POFUT3: variants seen among roughly 807,000 people sequenced by gnomAD.
POFUT3 encodes the protein protein O-fucosyltransferase 3.
the POFUT3 span, among the ~76,000 whole-genome samples, chr8:33,317,266 A>G: frequency 6.6e-6 from 1 of 152,176 alleles, no homozygotes; most frequent in Non-Finnish European, 1.5e-5. Flanking sequence ...CCAAAGAGAA[A>G]ATACTGTCCA....
At chr8:33,455,042 G>T in the POFUT3 span, among the ~76,000 whole-genome samples, 1 of 152,098 alleles carries the variant, frequency 6.6e-6, no homozygotes, top group South Asian at 2.1e-4. Context: ...GGGAAAATGA[G>T]TTATAAATTA....
the POFUT3 span, among the ~76,000 whole-genome samples, chr8:33,456,048 C>T: frequency 4.6e-5 from 7 of 152,202 alleles, no homozygotes; most frequent in Admixed American, 2.0e-4. Context: ...CTAAAGTCTG[C>T]CTGTTGCCAA....
chr8:33,353,217 G>T, the POFUT3 span, among the ~76,000 whole-genome samples: 1 of 152,130 alleles, frequency 6.6e-6, no homozygotes, highest in African/African-American at 2.4e-5. Context: ...TTGCTTGCAG[G>T]GGTGTTAGAC....
the POFUT3 span, among the ~76,000 whole-genome samples, chr8:33,336,393 T>A: frequency 6.6e-6 from 1 of 152,324 alleles, no homozygotes; most frequent in East Asian, 1.9e-4. Flanking sequence ...CACTGGGAAG[T>A]GGTGAATTTT....
chr8:33,460,248 A>T, the POFUT3 span, among the ~76,000 whole-genome samples: 1 of 151,172 alleles, frequency 6.6e-6, no homozygotes, highest in Non-Finnish European at 1.5e-5. Flanking sequence ...CAGCTACTGG[A>T]GATGCTGAGG....
chr8:33,313,346 G>T, the POFUT3 span, among the ~76,000 whole-genome samples: 1 of 152,080 alleles, frequency 6.6e-6, no homozygotes, highest in East Asian at 1.9e-4. Context: ...GATTTTCTAG[G>T]ATGTGTCATT....
the POFUT3 span, among the ~76,000 whole-genome samples, chr8:33,320,988 C>T: frequency 3.3e-5 from 5 of 152,062 alleles, no homozygotes; most frequent in African/African-American, 4.8e-5. Flanking sequence ...CATTTTTAGA[C>T]GCTAGCTACC....
the POFUT3 span, among the ~76,000 whole-genome samples, chr8:33,376,831 A>G: frequency 1.3e-5 from 2 of 152,160 alleles, no homozygotes; most frequent in East Asian, 3.9e-4. Context: ...ACGTAAGGAG[A>G]TGCAAAACAA....
At chr8:33,447,216 G>A in the POFUT3 span, among the ~76,000 whole-genome samples, 12 of 152,274 alleles carry the variant, frequency 7.9e-5, no homozygotes, top group African/African-American at 2.6e-4. Context: ...TTGGGAGGCC[G>A]AGGTGGGAGG....
chr8:33,401,631 C>A, the POFUT3 span, among the ~76,000 whole-genome samples: 5 of 152,088 alleles, frequency 3.3e-5, no homozygotes, highest in Non-Finnish European at 7.3e-5. Flanking sequence ...TATAAAGCTA[C>A]CCTATTTTCA....
At chr8:33,360,019 C>A in the POFUT3 span, among the ~76,000 whole-genome samples, 1 of 148,138 alleles carries the variant, frequency 6.8e-6, no homozygotes, top group East Asian at 2.1e-4. Context: ...AAAAACCAAA[C>A]CAAACAAACA....
the POFUT3 span, among the ~76,000 whole-genome samples, chr8:33,428,989 CA>C: frequency 3.0e-4 from 45 of 152,326 alleles, no homozygotes; most frequent in African/African-American, 1.1e-3. Flanking sequence ...TAACTTTGTA[CA>C]GCAGCTCACC....
the POFUT3 span, among the ~76,000 whole-genome samples, chr8:33,320,209 G>A: frequency 3.3e-5 from 5 of 151,860 alleles, no homozygotes; most frequent in African/African-American, 1.2e-4. Flanking sequence ...TATGGAAGGG[G>A]GGCATCTGAT....
chr8:33,393,050 G>A, the POFUT3 span, among the ~76,000 whole-genome samples: 1 of 152,098 alleles, frequency 6.6e-6, no homozygotes, highest in Non-Finnish European at 1.5e-5. Context: ...GGATATCATG[G>A]CCTAGAACAT....
At chr8:33,318,683 AT>A in the POFUT3 span, among the ~76,000 whole-genome samples, 2 of 76,218 alleles carry the variant, frequency 2.6e-5, no homozygotes, top group African/African-American at 1.1e-4. Flanking sequence ...TATTGTATAT[AT>A]ATTTTATATA....
the POFUT3 span, among the ~76,000 whole-genome samples, chr8:33,347,269 G>C: frequency 6.6e-6 from 1 of 152,268 alleles, no homozygotes; most frequent in Admixed American, 6.5e-5. Context: ...CTGTTTGGTT[G>C]TATTTTCTCT....
the POFUT3 span, among the ~76,000 whole-genome samples, chr8:33,466,878 G>T: frequency 6.6e-6 from 1 of 152,184 alleles, no homozygotes. Context: ...GCCAAGGCGG[G>T]TGGATCACCT....
At chr8:33,360,015 C>A in the POFUT3 span, among the ~76,000 whole-genome samples, 1 of 147,390 alleles carries the variant, frequency 6.8e-6, no homozygotes, top group African/African-American at 2.5e-5. Context: ...CAAAAAAAAC[C>A]AAACCAAACA....
the POFUT3 span, among the ~76,000 whole-genome samples, chr8:33,361,822 G>A: frequency 0.012 from 1,778 of 151,762 alleles, 18 homozygotes; most frequent in African/African-American, 0.024. Context: ...ATTTTTTTCC[G>A]TGTTTCCCAA....
Sources: allele counts gnomAD v4.1 joint callset (sites outside exome capture counted in the v4.1 genomes callset), GRCh38; gene constraint gnomAD v4.1.1; transcripts MANE v1.5; gene names NCBI Gene and HGNC (gene_info 2026-07-23, HGNC 2026-07-21).